CTNNA3: variants seen among roughly 807,000 people sequenced by gnomAD.
The protein encoded by CTNNA3 is catenin alpha-3.
CTNNA3 carries 76 observed loss-of-function variants against 95.7 expected under a neutral mutation model. The observed-to-expected ratio is 0.79, with a 90% CI of 0.66 to 0.96. The LOEUF is 0.96. CTNNA3 is among the 40% of genes least tolerant of loss of function. CTNNA3 has a pLI of 0.00. For synonymous variants in CTNNA3, 431 were observed against 374.4 expected, an observed-to-expected ratio of 1.15 and a Z score of -1.74; for missense variants, 1,191 against 1,089.8, an observed-to-expected ratio of 1.09 and a Z score of -1.31.
chr10:65,950,056 T>C (rs961393799), intron 17 of CTNNA3, among the ~76,000 whole-genome samples: 5 of 152,060 alleles, frequency 3.3e-5, no homozygotes, highest in Non-Finnish European at 5.9e-5. Context: ...AAAAAATCAA[T>C]GTTTAATAAT....
At chr10:66,122,135 A>G (rs1018555604) in intron 13 of CTNNA3, among the ~76,000 whole-genome samples, 1 of 152,208 alleles carries the variant, frequency 6.6e-6, no homozygotes, top group African/African-American at 2.4e-5. Context: ...GGTAATATAA[A>G]TAGAGAGATG....
At chr10:67,334,983 G>GA (rs1200426081) in intron 5 of CTNNA3, 5 of 151,974 alleles carry the variant, frequency 3.3e-5, no homozygotes, top group Admixed American at 1.3e-4. Flanking sequence ...TTTCTATATT[G>GA]AAAATCACTT....
In CTNNA3 at chr10:66,442,917, G is replaced by C. The variant is rs189958725; in HGVS notation, c.1532-63565C>G. Among the ~76,000 whole-genome samples, 506 of 152,262 alleles carry C rather than the reference G, an allele frequency of 3.3e-3. 1 individual carries two copies. The highest frequency in any genetic ancestry group is 0.012 in the African/African-American group (485 of 41,552). On this transcript the variant is annotated intron_variant, in intron 11 of 17. Coordinates refer to ENST00000433211, the MANE Select transcript of CTNNA3 (RefSeq NM_013266.4). The stretch of plus-strand genomic sequence containing the variant: ...GGTTCCCTTTCCTAGTCAAAGAAAG[G>C]GGTGACAGACGTCACGTGGAAAATC...
intron 15 of CTNNA3, among the ~76,000 whole-genome samples, chr10:66,007,065 AT>A (rs1186622639): frequency 6.6e-6 from 1 of 152,140 alleles, no homozygotes; most frequent in Non-Finnish European, 1.5e-5. Flanking sequence ...AGGTCATTAA[AT>A]TTTAGGACAC....
At chr10:66,344,340 C>T (rs1330205119) in intron 12 of CTNNA3, among the ~76,000 whole-genome samples, 1 of 151,538 alleles carries the variant, frequency 6.6e-6, no homozygotes, top group Admixed American at 6.6e-5. Context: ...GATCTCAGCT[C>T]ACTGCAACCT....
chr10:66,292,076 T>TATAC lies in CTNNA3; in HGVS notation c.1733-11456_1733-11455insGTAT, dbSNP rs142911848. Reference sequence around the variant, plus strand: ...GGTATATAAAACATGCATATACAGATACACACACACACACACACATATATA... The same window carrying TATAC: ...GGTATATAAAACATGCATATACAGATATACACACACACACACACACACATATATA... On this transcript the variant is annotated intron_variant, in intron 12 of 17. Transcript: ENST00000433211. Among the ~76,000 whole-genome samples, 148 of 149,484 alleles carry TATAC rather than the reference T, an allele frequency of 9.9e-4. 1 individual carries two copies. The highest frequency in any genetic ancestry group is 3.6e-3 in the African/African-American group (145 of 40,718).
At chr10:66,576,605 G>A (rs1299348508) in intron 10 of CTNNA3, among the ~76,000 whole-genome samples, 2 of 151,994 alleles carry the variant, frequency 1.3e-5, no homozygotes, top group Non-Finnish European at 2.9e-5. Context: ...TCCTGCACTA[G>A]TTTGCTTAGG....
At chr10:66,979,250 G>A (rs10997467) in intron 7 of CTNNA3, among the ~76,000 whole-genome samples, 33,830 of 151,980 alleles carry the variant, frequency 0.22, 4,240 homozygotes, top group Middle Eastern at 0.29. Context: ...TTACAGGCAT[G>A]AGCCACCATG....
intron 5 of CTNNA3, among the ~76,000 whole-genome samples, chr10:67,458,299 C>T (rs1367047541): frequency 1.3e-5 from 2 of 151,982 alleles, no homozygotes; most frequent in Non-Finnish European, 2.9e-5. Context: ...AATCAAAAGA[C>T]ACATAATAAA....
intron 12 of CTNNA3, among the ~76,000 whole-genome samples, chr10:66,286,574 G>T (rs1406252795): frequency 1.3e-5 from 2 of 152,074 alleles, no homozygotes; most frequent in African/African-American, 4.8e-5. Flanking sequence ...GCAAAATGCT[G>T]CTCAGTACTC....
chr10:66,398,500 T>C (rs1211428409), intron 11 of CTNNA3, among the ~76,000 whole-genome samples: 1 of 151,772 alleles, frequency 6.6e-6, no homozygotes, highest in African/African-American at 2.4e-5. Flanking sequence ...CAGTAACGCA[T>C]AGAACACACA....
At position 67,488,672 on chromosome 10, in the gene CTNNA3, CTTTTTT is replaced by C. The variant is rs565227051; in HGVS notation, c.579+33164_579+33169del. Among the ~76,000 whole-genome samples, 540 of 130,764 alleles carry C rather than the reference CTTTTTT, an allele frequency of 4.1e-3. 9 individuals are homozygous for C. The highest frequency in any genetic ancestry group is 0.016 in the African/African-American group (517 of 33,010). The allele number at this position is 130,764 out of a possible 152,430, so 85.8% of individuals were successfully genotyped here. On this transcript the variant is annotated intron_variant, in intron 5 of 17. Coordinates refer to ENST00000433211, the MANE Select transcript of CTNNA3 (RefSeq NM_013266.4). ...AGGTGTGAGCCAAAGTGCCCGGCCT[CTTTTTT>C]TTTTTTTTTTGAGACAAAGTCCCTT... is the stretch of plus-strand genomic sequence containing the variant.
chr10:66,687,331 C>A lies in CTNNA3; in HGVS notation c.1282-65547G>T, dbSNP rs138633818. On this transcript the variant is annotated intron_variant, in intron 9 of 17. Coordinates refer to ENST00000433211, the MANE Select transcript of CTNNA3 (RefSeq NM_013266.4). Reference sequence around the variant, plus strand: ...TTACAAAAGACCTTGATATTGAAGGCTTCTTCTTTGTCTTCTTGATGCCTC... The same window carrying A: ...TTACAAAAGACCTTGATATTGAAGGATTCTTCTTTGTCTTCTTGATGCCTC... Among the ~76,000 whole-genome samples, 608 of 151,972 alleles carry A rather than the reference C, an allele frequency of 4.0e-3. 2 individuals are homozygous for A. The highest frequency in any genetic ancestry group is 9.3e-3 in the African/African-American group (386 of 41,390).
At chr10:66,481,535 G>A (rs1231179055) in intron 11 of CTNNA3, among the ~76,000 whole-genome samples, 1 of 110,806 alleles carries the variant, frequency 9.0e-6, no homozygotes. Flanking sequence ...GCAGTGGCAC[G>A]ATCTCGGCTC....
chr10:66,222,533 GGAGAGAAAGAAGAAAATAAAGAAA>G (rs2088989612), intron 13 of CTNNA3, among the ~76,000 whole-genome samples: 1 of 148,990 alleles, frequency 6.7e-6, no homozygotes, highest in African/African-American at 2.5e-5. Flanking sequence ...AGGAAAGAAG[GGAGAGAAAGAAGAAAATAAAGAAA>G]GAGAGAAAGA....
chr10:67,254,211 C>A (rs1477790720), intron 5 of CTNNA3, among the ~76,000 whole-genome samples: 1 of 151,664 alleles, frequency 6.6e-6, no homozygotes, highest in Non-Finnish European at 1.5e-5. Flanking sequence ...AAAGTGGCCC[C>A]CGAGACTCAC....
chr10:66,277,180 T>A (rs369479231), intron 13 of CTNNA3, among the ~76,000 whole-genome samples: 28 of 152,246 alleles, frequency 1.8e-4, no homozygotes, highest in African/African-American at 6.7e-4. Flanking sequence ...GCTAGCATAA[T>A]TATTGATCAA....
intron 6 of CTNNA3, among the ~76,000 whole-genome samples, chr10:67,214,551 C>T (rs370256375): frequency 3.3e-5 from 5 of 151,838 alleles, no homozygotes; most frequent in Admixed American, 2.6e-4. Flanking sequence ...TTATGTTTAC[C>T]ATTTCCTCTG....
intron 11 of CTNNA3, among the ~76,000 whole-genome samples, chr10:66,404,453 A>G (rs2093042149): frequency 1.3e-5 from 2 of 152,252 alleles, no homozygotes; most frequent in Admixed American, 1.3e-4. Context: ...CCTAGCGCAT[A>G]CTTATTGAGA....
Sources: allele counts gnomAD v4.1 joint callset (sites outside exome capture counted in the v4.1 genomes callset), GRCh38; gene constraint gnomAD v4.1.1; transcripts MANE v1.5; gene names NCBI Gene and HGNC (gene_info 2026-07-23, HGNC 2026-07-21).